SLC25A21: variants seen among roughly 807,000 people sequenced by gnomAD.
The protein encoded by SLC25A21 is mitochondrial 2-oxodicarboxylate carrier.
A neutral mutation model predicts 43.8 loss-of-function variants in SLC25A21; 47 were observed. The observed-to-expected ratio is 1.07, with a 90% CI of 0.85 to 1.37. The LOEUF is 1.37. SLC25A21 is among the 40% of genes most tolerant of loss of function. The pLI is 0.00. For synonymous variants in SLC25A21, 131 were observed against 121.3 expected (o/e 1.08, Z -0.52); for missense variants, 352 against 350.2 (o/e 1.00, Z -0.04).
chr14:37,069,931 C>G (rs774302784), intron 1 of SLC25A21, among the ~76,000 whole-genome samples: 1 of 152,302 alleles, frequency 6.6e-6, no homozygotes, highest in Non-Finnish European at 1.5e-5. Flanking sequence ...CTAATTCTGC[C>G]TGTGTTCAAC....
chr14:37,141,102 G>A (rs781538409), intron 1 of SLC25A21, among the ~76,000 whole-genome samples: 1 of 151,964 alleles, frequency 6.6e-6, no homozygotes, highest in Non-Finnish European at 1.5e-5. Context: ...CTAAGATCAC[G>A]CCACCGCACT....
intron 1 of SLC25A21, among the ~76,000 whole-genome samples, chr14:37,054,729 G>A (rs1432010554): frequency 6.6e-6 from 1 of 152,034 alleles, no homozygotes; most frequent in Non-Finnish European, 1.5e-5. Flanking sequence ...AAAAAGAATT[G>A]TTCCATTTTT....
intron 1 of SLC25A21, among the ~76,000 whole-genome samples, chr14:36,967,552 A>C (rs1832672999): frequency 6.6e-6 from 1 of 152,252 alleles, no homozygotes; most frequent in Non-Finnish European, 1.5e-5. Flanking sequence ...CTTGCTAAGC[A>C]GATGATGCTT....
chr14:37,051,366 T>C (rs1280663637), intron 1 of SLC25A21, among the ~76,000 whole-genome samples: 1 of 152,172 alleles, frequency 6.6e-6, no homozygotes, highest in East Asian at 1.9e-4. Flanking sequence ...GACTCATGAA[T>C]GTACTGGCTT....
intron 1 of SLC25A21, among the ~76,000 whole-genome samples, chr14:37,151,096 T>G (rs1963751528): frequency 6.6e-6 from 1 of 152,198 alleles, no homozygotes; most frequent in South Asian, 2.1e-4. Context: ...TGTCATCCAA[T>G]TCTATCGAGT....
At chr14:36,723,395 T>C (rs1884454879) in intron 6 of SLC25A21, among the ~76,000 whole-genome samples, 1 of 152,260 alleles carries the variant, frequency 6.6e-6, no homozygotes, top group Non-Finnish European at 1.5e-5. Flanking sequence ...ATCACTACTT[T>C]GCTAAATTCT....
At chr14:36,707,111 C>T (rs1883605445) in intron 7 of SLC25A21, among the ~76,000 whole-genome samples, 1 of 152,196 alleles carries the variant, frequency 6.6e-6, no homozygotes, top group South Asian at 2.1e-4. Flanking sequence ...CCAGCTCTCT[C>T]TCTCCTAGAG....
chr14:36,718,442 C>A (rs563852680), intron 6 of SLC25A21, among the ~76,000 whole-genome samples: 20 of 152,262 alleles, frequency 1.3e-4, no homozygotes, highest in African/African-American at 4.3e-4. Context: ...TGTTGACATG[C>A]CCTTGAAGCT....
chr14:36,753,422 G>A (rs1421074563), intron 3 of SLC25A21, among the ~76,000 whole-genome samples: 2 of 151,968 alleles, frequency 1.3e-5, no homozygotes, highest in Admixed American at 1.3e-4. Context: ...TCTATCAAAA[G>A]GAGAGAGAAA....
intron 3 of SLC25A21, among the ~76,000 whole-genome samples, chr14:36,752,495 C>A (rs540733501): frequency 6.6e-6 from 1 of 152,136 alleles, no homozygotes; most frequent in Non-Finnish European, 1.5e-5. Context: ...TGAAAACAAC[C>A]CAAATATCCA....
At position 36,684,819 on chromosome 14, in the gene SLC25A21, C is replaced by T. The variant is rs1427888490; in HGVS notation, c.710G>A (p.Gly237Glu). 1 of 1,613,678 alleles carries T rather than the reference C, an allele frequency of 6.2e-7. No homozygotes were observed. Among genetic ancestry groups the T allele is most frequent in the South Asian group, 1.1e-5 (1 of 90,998 alleles). ...GATCTCTCCAGGAACTGGTTGAGGCCCTTGAATCCTACTTTTGGCAACATC... is the reference window on the plus strand; with the variant it reads ...GATCTCTCCAGGAACTGGTTGAGGCTCTTGAATCCTACTTTTGGCAACATC... ...PFDVAKSRIQ[G>E]PQPVPGEIKY... Residue 237 changes from glycine to glutamate, a missense_variant, in exon 8 of 10, where the codon GGG becomes GAG. Coordinates refer to ENST00000331299, the MANE Select transcript of SLC25A21 (RefSeq NM_030631.4).
chr14:36,988,754 A>T (rs1960200210), intron 1 of SLC25A21, among the ~76,000 whole-genome samples: 1 of 152,174 alleles, frequency 6.6e-6, no homozygotes, highest in Non-Finnish European at 1.5e-5. Flanking sequence ...TCATGGCCAC[A>T]GTTTACATTT....
Position 37,009,388 on chromosome 14 carries a change from A to G in SLC25A21, c.71-134384T>C, listed in dbSNP as rs142897526. Among the ~76,000 whole-genome samples, 490 of 152,262 alleles carry G rather than the reference A, an allele frequency of 3.2e-3. 1 individual carries two copies. Among genetic ancestry groups the G allele is most frequent in the African/African-American group, 0.011 (442 of 41,560 alleles). On this transcript the variant is annotated intron_variant, in intron 1 of 9. Transcript: ENST00000331299. ...GTAATCCCAGCTACTCAAGAGGCTG[A>G]GGCAGGAGAATTGCTTGAACCTGGG...
intron 2 of SLC25A21, among the ~76,000 whole-genome samples, chr14:36,864,384 C>T (rs1041387225): frequency 6.6e-6 from 1 of 152,144 alleles, no homozygotes; most frequent in Non-Finnish European, 1.5e-5. Flanking sequence ...AAATATGTTA[C>T]CCATCTTGTG....
At chr14:37,028,300 A>C (rs1961136620) in intron 1 of SLC25A21, among the ~76,000 whole-genome samples, 1 of 152,152 alleles carries the variant, frequency 6.6e-6, no homozygotes, top group Non-Finnish European at 1.5e-5. Context: ...GCATTGGGGA[A>C]GAGGTTTCTG....
At chr14:36,735,091 A>T (rs1884979402) in intron 3 of SLC25A21, among the ~76,000 whole-genome samples, 1 of 152,218 alleles carries the variant, frequency 6.6e-6, no homozygotes, top group African/African-American at 2.4e-5. Flanking sequence ...TGATTTAGTC[A>T]TAATTTTCAG....
At chr14:36,869,523 G>A (rs1222177749) in intron 2 of SLC25A21, among the ~76,000 whole-genome samples, 1 of 152,202 alleles carries the variant, frequency 6.6e-6, no homozygotes, top group Non-Finnish European at 1.5e-5. Flanking sequence ...GGATGCCTCA[G>A]GCCTCGGAGG....
intron 6 of SLC25A21, among the ~76,000 whole-genome samples, chr14:36,716,773 C>A (rs1162258270): frequency 1.3e-5 from 2 of 152,182 alleles, no homozygotes; most frequent in Admixed American, 6.5e-5. Flanking sequence ...GGATTTTAGG[C>A]AGCAGGCATT....
At chr14:36,734,392 G>A in intron 4 of SLC25A21, 115 bp downstream of exon 4, 1 of 621,732 alleles carries the variant, frequency 1.6e-6, no homozygotes, top group Non-Finnish European at 2.6e-6. Flanking sequence ...TATAATTTCT[G>A]CATTAAAATT....
Sources: allele counts gnomAD v4.1 joint callset (sites outside exome capture counted in the v4.1 genomes callset), GRCh38; gene constraint gnomAD v4.1.1; transcripts MANE v1.5; gene names NCBI Gene and HGNC (gene_info 2026-07-23, HGNC 2026-07-21).